The following SLC44A5 variants were observed in gnomAD, a reference collection of about 807,000 sequenced individuals.
SLC44A5 encodes choline transporter-like protein 5.
SLC44A5 carries 57 observed loss-of-function variants against 101.8 expected under a neutral mutation model. The ratio of observed to expected loss-of-function variants is 0.56; its 90% CI spans 0.45 to 0.70. The LOEUF is 0.70. SLC44A5 is among the 30% of genes least tolerant of loss of function. The pLI is 0.00. For synonymous variants in SLC44A5, 281 were observed against 290.9 expected (o/e 0.97, Z 0.35); for missense variants, 737 against 853.1 (o/e 0.86, Z 1.70).
At chr1:75,267,672 T>A (rs1304730516) in intron 6 of SLC44A5, among the ~76,000 whole-genome samples, 3 of 152,150 alleles carry the variant, frequency 2.0e-5, no homozygotes, top group African/African-American at 7.2e-5. Context: ...CATCTCAGCC[T>A]CCTGATAGCT....
intron 6 of SLC44A5, among the ~76,000 whole-genome samples, chr1:75,258,358 G>T (rs1240282493): frequency 6.6e-6 from 1 of 152,088 alleles, no homozygotes; most frequent in African/African-American, 2.4e-5. Context: ...CGTCAGGGAA[G>T]GGGTGTCTGC....
rs768236505 is a variant in SLC44A5, at chr1:75,243,019, C to T, written c.346-8G>A. On this transcript the variant is annotated splice_polypyrimidine_tract_variant and splice_region_variant and intron_variant, in intron 7 of 23. Transcript: ENST00000370859. ...GCACTTGGAGACACAGATCTGTGAA[C>T]GAACAAAGTGATGAGAACTGAACTG... 1.9e-5 allele frequency: 30 copies of T among 1,608,512 alleles called. No homozygotes were observed. Among genetic ancestry groups the T allele is most frequent in the Middle Eastern group, 1.7e-4 (1 of 6,044 alleles).
At chr1:75,221,839 T>A (rs779874088) in intron 14 of SLC44A5, among the ~76,000 whole-genome samples, 36 of 152,094 alleles carry the variant, frequency 2.4e-4, no homozygotes, top group Non-Finnish European at 3.1e-4. Context: ...TACCCAATGA[T>A]TATTGAGGTT....
At chr1:75,504,661 C>A (rs1258863851) in intron 2 of SLC44A5, among the ~76,000 whole-genome samples, 1 of 151,870 alleles carries the variant, frequency 6.6e-6, no homozygotes, top group East Asian at 1.9e-4. Flanking sequence ...TAAAGGATGT[C>A]AATACTGGAA....
At chr1:75,716,126 A>G in the SLC44A5 span, among the ~76,000 whole-genome samples, 20 of 152,342 alleles carry the variant, frequency 1.3e-4, no homozygotes, top group African/African-American at 4.8e-4. Context: ...ATCTCACACC[A>G]GTCAGAATCT....
At chr1:75,234,455 A>T (rs763304959) in intron 11 of SLC44A5, among the ~76,000 whole-genome samples, 2 of 152,072 alleles carry the variant, frequency 1.3e-5, no homozygotes, top group Non-Finnish European at 2.9e-5. Flanking sequence ...CTACTAGGTC[A>T]TAAATTGTGA....
chr1:75,532,676 T>G (rs1316036709), intron 2 of SLC44A5, among the ~76,000 whole-genome samples: 1 of 152,234 alleles, frequency 6.6e-6, no homozygotes, highest in Non-Finnish European at 1.5e-5. Context: ...CCAAAGATTT[T>G]TGTCCATTTT....
Position 75,283,834 on chromosome 1 carries a change from T to G in SLC44A5, c.176-8792A>C, listed in dbSNP as rs148496541. Among the ~76,000 whole-genome samples, 5 of 152,182 alleles carry G rather than the reference T, an allele frequency of 3.3e-5. No individual in the cohort carries two copies. The South Asian group carries it at 1.0e-3, about 31-fold the overall frequency. On this transcript the variant is annotated intron_variant, in intron 5 of 23. Coordinates refer to ENST00000370859, the MANE Select transcript of SLC44A5 (RefSeq NM_001130058.2). ...TATTTGGCTTTATTTCTGGGTTTTC[T>G]ATTCTGCCCCATTGGGCTATGTGCC...
At chr1:75,371,409 G>A (rs1236831343) in intron 3 of SLC44A5, among the ~76,000 whole-genome samples, 1 of 152,148 alleles carries the variant, frequency 6.6e-6, no homozygotes, top group Non-Finnish European at 1.5e-5. Context: ...AAAGCAGTAA[G>A]AATAGTGTCC....
intron 13 of SLC44A5, among the ~76,000 whole-genome samples, chr1:75,224,098 A>G (rs556846022): frequency 9.2e-5 from 14 of 152,322 alleles, no homozygotes; most frequent in African/African-American, 3.1e-4. Context: ...TTGGTTAACA[A>G]TGGACTTCAT....
the SLC44A5 span, among the ~76,000 whole-genome samples, chr1:75,651,704 A>C: frequency 6.6e-6 from 1 of 151,190 alleles, no homozygotes; most frequent in Non-Finnish European, 1.5e-5. Flanking sequence ...CTCAAAAAAA[A>C]AAAAAAAAAA....
At chr1:75,501,193 C>A (rs1019988792) in intron 2 of SLC44A5, among the ~76,000 whole-genome samples, 2 of 148,742 alleles carry the variant, frequency 1.3e-5, no homozygotes, top group Non-Finnish European at 3.0e-5. Context: ...AATAAAAAAA[C>A]ATAATAAAGG....
At chr1:75,377,001 A>AACCAAGGC (rs1660672572) in intron 3 of SLC44A5, among the ~76,000 whole-genome samples, 1 of 152,212 alleles carries the variant, frequency 6.6e-6, no homozygotes, top group Non-Finnish European at 1.5e-5. Flanking sequence ...TGGAGCTGAA[A>AACCAAGGC]ACCAAGGCTC....
At chr1:75,583,403 C>T (rs144296801) in intron 1 of SLC44A5, among the ~76,000 whole-genome samples, 1 of 152,280 alleles carries the variant, frequency 6.6e-6, no homozygotes, top group East Asian at 1.9e-4. Flanking sequence ...CTACAATAGA[C>T]AATGAGCTCT....
chr1:75,374,745 C>T (rs1660459844), intron 3 of SLC44A5, among the ~76,000 whole-genome samples: 1 of 152,070 alleles, frequency 6.6e-6, no homozygotes, highest in Non-Finnish European at 1.5e-5. Flanking sequence ...GGAAAGGATC[C>T]ACAACTGAGG....
chr1:75,463,556 A>G (rs901435353), intron 2 of SLC44A5, among the ~76,000 whole-genome samples: 1 of 152,038 alleles, frequency 6.6e-6, no homozygotes, highest in Non-Finnish European at 1.5e-5. Flanking sequence ...TGCATGATAT[A>G]TTTAAAGCAA....
At chr1:75,571,403 T>C (rs896248971) in intron 1 of SLC44A5, among the ~76,000 whole-genome samples, 4 of 152,006 alleles carry the variant, frequency 2.6e-5, no homozygotes, top group Admixed American at 2.6e-4. Context: ...GGGGAGATGA[T>C]TAGCAAAAAA....
chr1:75,688,331 C>T, the SLC44A5 span, among the ~76,000 whole-genome samples: 1 of 152,172 alleles, frequency 6.6e-6, no homozygotes, highest in Non-Finnish European at 1.5e-5. Context: ...TTCTTTAAAC[C>T]TTGCTTTTGC....
At chr1:75,221,259 G>A (rs954957362) in intron 14 of SLC44A5, among the ~76,000 whole-genome samples, 1 of 152,060 alleles carries the variant, frequency 6.6e-6, no homozygotes, top group Non-Finnish European at 1.5e-5. Context: ...AAATAATTTG[G>A]TTCTTGGTCA....
Sources: allele counts gnomAD v4.1 joint callset (sites outside exome capture counted in the v4.1 genomes callset), GRCh38; gene constraint gnomAD v4.1.1; transcripts MANE v1.5; gene names NCBI Gene and HGNC (gene_info 2026-07-23, HGNC 2026-07-21).